Variants in PRH1 observed in about 807,000 individuals in gnomAD.
The protein encoded by PRH1 is salivary acidic proline-rich phosphoprotein 1/2.
A neutral mutation model predicts 7.9 loss-of-function variants in PRH1; 7 were observed. The ratio of observed to expected loss-of-function variants is 0.89; its 90% CI spans 0.50 to 1.67. The LOEUF (loss-of-function observed/expected upper bound fraction) is 1.67, where lower values mean the gene tolerates loss of function less well. Ranked by LOEUF, PRH1 falls within the 40% of genes most tolerant of loss-of-function variation. The pLI is 0.00. For missense variants in PRH1, 109 were observed against 223.6 expected (o/e 0.49, Z 3.27); for synonymous variants, 45 against 80.8 (o/e 0.56, Z 2.38).
At chr12:11,110,868 TAG>T (rs1490132243) in intron 1 of PRH1, among the ~76,000 whole-genome samples, 5 of 151,936 alleles carry the variant, frequency 3.3e-5, no homozygotes, top group African/African-American at 4.8e-5. Context: ...GCAAATTGAA[TAG>T]AGTCAAGACC....
chr12:10,978,652 G>C (rs1227949349), intron 1 of PRH1, among the ~76,000 whole-genome samples: 1 of 152,098 alleles, frequency 6.6e-6, no homozygotes, highest in Non-Finnish European at 1.5e-5. Context: ...TGCAGAATGG[G>C]AGAAAATATT....
intron 1 of PRH1, among the ~76,000 whole-genome samples, chr12:11,042,486 TAA>T (rs140733298): frequency 1.7e-4 from 16 of 94,994 alleles, no homozygotes; most frequent in South Asian, 3.7e-4. Context: ...TCTCCCAGTT[TAA>T]AAAAAAAAAA....
At chr12:11,118,858 G>A (rs949511249), downstream of PRH1, among the ~76,000 whole-genome samples, 1 of 152,042 alleles carries the variant, frequency 6.6e-6, no homozygotes, top group African/African-American at 2.4e-5. Flanking sequence ...AGCTGGGCGT[G>A]GTGGCTGGCG....
intron 1 of PRH1, among the ~76,000 whole-genome samples, chr12:11,053,471 T>C (rs561368349): frequency 1.0e-4 from 16 of 152,412 alleles, no homozygotes; most frequent in East Asian, 1.9e-4. Flanking sequence ...TTTAATATCA[T>C]CTATAATTGT....
intron 2 of PRH1, among the ~76,000 whole-genome samples, chr12:10,970,189 A>G (rs1456259173): frequency 6.6e-6 from 1 of 152,260 alleles, no homozygotes; most frequent in Non-Finnish European, 1.5e-5. Flanking sequence ...TTTACACTTT[A>G]ACACATTTAA....
rs1328630846 is a variant in PRH1 at position 11,089,815 on chromosome 12, T to C, written n.124-42627A>G. Among the ~76,000 whole-genome samples, 9 of 117,816 alleles carry C rather than the reference T, an allele frequency of 7.6e-5. 2 individuals are homozygous for C. The highest frequency in any genetic ancestry group is 2.6e-4 in the African/African-American group (9 of 35,180). 77.3% of individuals were successfully genotyped at this position (117,816 alleles called of 152,430 possible). On this transcript the variant is annotated intron_variant and non_coding_transcript_variant, in intron 1 of 4. Transcript: ENST00000541977. ...AACTATTGTAATAGGTGCCATCTAA[T>C]TTTGATGTTCTACCTTGTCTCCAAC... is the stretch of plus-strand genomic sequence containing the variant.
intron 1 of PRH1, chr12:11,046,877 G>A (rs946464722): frequency 2.1e-5 from 7 of 340,390 alleles, no homozygotes; most frequent in Admixed American, 1.6e-4. Context: ...GAATTATAGA[G>A]AACAGCTCAT....
At chr12:11,090,340 C>T (rs1253977236) in intron 1 of PRH1, among the ~76,000 whole-genome samples, 1 of 116,346 alleles carries the variant, frequency 8.6e-6, no homozygotes, top group Non-Finnish European at 2.0e-5. Flanking sequence ...GATTTGAGTT[C>T]TCTTATCTGA....
At chr12:11,061,402 C>T in intron 1 of PRH1, 2 of 1,580,028 alleles carry the variant, frequency 1.3e-6, no homozygotes, top group African/African-American at 1.4e-5. Context: ...CACCCAGTAC[C>T]TCACATGCCA....
intron 2 of PRH1, among the ~76,000 whole-genome samples, chr12:10,944,348 G>A (rs1950451712): frequency 6.6e-6 from 1 of 152,022 alleles, no homozygotes; most frequent in South Asian, 2.1e-4. Context: ...AATTGTGAAT[G>A]GGATTGCCTT....
chr12:10,897,276 AC>A (rs1449958275), intron 2 of PRH1, among the ~76,000 whole-genome samples: 1 of 152,258 alleles, frequency 6.6e-6, no homozygotes, highest in Non-Finnish European at 1.5e-5. Flanking sequence ...CTCACTAGCC[AC>A]GTGTGACTAT....
chr12:11,127,201 T>G (rs1159046467), intron 1 of PRH1, among the ~76,000 whole-genome samples: 1 of 152,284 alleles, frequency 6.6e-6, no homozygotes, highest in African/African-American at 2.4e-5. Context: ...TACTATATGC[T>G]TGTTATAAGA....
intron 1 of PRH1, chr12:10,997,514 A>G (rs1202244160): frequency 3.1e-6 from 5 of 1,613,830 alleles, no homozygotes; most frequent in Non-Finnish European, 4.2e-6. Context: ...CTTCCTTTTT[A>G]AGTGATGAAA....
upstream of PRH1, among the ~76,000 whole-genome samples, chr12:10,888,688 A>C (rs983142491): frequency 1.4e-4 from 22 of 152,052 alleles, no homozygotes; most frequent in African/African-American, 4.3e-4. Flanking sequence ...AGTGTTTTAT[A>C]ATTCTATTTT....
At chr12:11,111,984 T>A (rs1011534678) in intron 1 of PRH1, among the ~76,000 whole-genome samples, 2 of 151,938 alleles carry the variant, frequency 1.3e-5, no homozygotes, top group Non-Finnish European at 2.9e-5. Flanking sequence ...ACCACTGACT[T>A]CAGAGAAATA....
rs1281498814 is a variant in PRH1 at position 11,093,424 on chromosome 12, C to T, written n.124-46236G>A. On this transcript the variant is annotated intron_variant and non_coding_transcript_variant, in intron 1 of 4. Transcript: ENST00000541977. ...ACGTGCACACCACTTATGAATGGAA[C>T]AAATTATTTTCTTGTAATTTCCAAA... 4.3e-5 allele frequency among the ~76,000 whole-genome samples: 5 copies of T among 115,444 alleles called. 1 individual carries two copies. Among genetic ancestry groups the T allele is most frequent in the African/African-American group, 1.5e-4 (5 of 34,472 alleles). 75.7% of individuals were successfully genotyped at this position (115,444 alleles called of 152,430 possible).
intron 2 of PRH1, among the ~76,000 whole-genome samples, chr12:10,961,435 C>T (rs556029585): frequency 2.6e-5 from 4 of 151,058 alleles, no homozygotes; most frequent in East Asian, 1.9e-4. Flanking sequence ...TAAGCATGAG[C>T]GCCTCTAAGC....
chr12:10,925,538 TTGAC>T (rs1165975593), intron 2 of PRH1, among the ~76,000 whole-genome samples: 1 of 152,150 alleles, frequency 6.6e-6, no homozygotes, highest in Non-Finnish European at 1.5e-5. Flanking sequence ...AGGATCTACA[TTGAC>T]TGGGTTTTCA....
At chr12:11,082,307 A>C (rs1221037989) in intron 1 of PRH1, among the ~76,000 whole-genome samples, 1 of 113,914 alleles carries the variant, frequency 8.8e-6, no homozygotes, top group Non-Finnish European at 2.1e-5. Context: ...TCATAGATAC[A>C]CAATTTTTTT....
Sources: gnomAD v4.1 joint callset for allele counts (sites outside exome capture counted in the v4.1 genomes callset) on GRCh38, gnomAD v4.1.1 for gene constraint, MANE v1.5 for transcripts, NCBI Gene and HGNC (gene_info 2026-07-23, HGNC 2026-07-21) for gene names.